Variants in TUBGCP2 observed in about 807,000 individuals in gnomAD.
The protein encoded by TUBGCP2 is gamma-tubulin complex component 2.
TUBGCP2 carries 55 observed loss-of-function variants against 92.2 expected under a neutral mutation model. That is an observed-to-expected ratio of 0.60 (90% confidence interval 0.48 to 0.75). TUBGCP2 has a LOEUF of 0.75. Ranked by LOEUF, TUBGCP2 falls within the 30% of genes least tolerant of loss-of-function variation. The pLI, the probability that TUBGCP2 is intolerant of heterozygous loss-of-function variation, is 0.00. For synonymous variants in TUBGCP2, 533 were observed against 505.2 expected (o/e 1.06, Z -0.74); for missense variants, 1,093 against 1,188.9 (o/e 0.92, Z 1.19).
upstream of TUBGCP2, chr10:133,309,407 C>A (rs138122775): frequency 1.2e-4 from 198 of 1,611,994 alleles, no homozygotes; most frequent in Non-Finnish European, 1.6e-4. Flanking sequence ...ACGTGCAGCG[C>A]CACCTCTACC....
At chr10:133,307,732 G>C (rs1589839944) in intron 1 of TUBGCP2, among the ~76,000 whole-genome samples, 1 of 151,932 alleles carries the variant, frequency 6.6e-6, no homozygotes, top group Non-Finnish European at 1.5e-5. Flanking sequence ...GCGACAGAGA[G>C]AGACACTATC....
At chr10:133,280,766 T>C (rs1324759967) in intron 17 of TUBGCP2, among the ~76,000 whole-genome samples, 1 of 151,948 alleles carries the variant, frequency 6.6e-6, no homozygotes, top group Non-Finnish European at 1.5e-5. Flanking sequence ...CAGGGACAGG[T>C]GCTGAGCTGG....
intron 7 of TUBGCP2, 100 bp from the exon 8 acceptor site, chr10:133,292,788 C>T: frequency 7.1e-7 from 1 of 1,400,320 alleles, no homozygotes; most frequent in Non-Finnish European, 9.7e-7. Flanking sequence ...AACCTTCTTC[C>T]TGGGACGGTG....
intron 1 of TUBGCP2, 144 bp downstream of exon 1, chr10:133,308,677 CCA>C (rs1003999859): frequency 1.9e-5 from 5 of 262,584 alleles, no homozygotes; most frequent in Non-Finnish European, 2.9e-5. Context: ...GGCTTCGGCC[CCA>C]GAGTTCGGGG....
At position 133,285,283 on chromosome 10, in the gene TUBGCP2, C is replaced by T. The variant is rs747039391; in HGVS notation, c.1896-70G>A. 6.2e-6 allele frequency: 10 copies of T among 1,602,846 alleles called. No individual in the cohort carries two copies. The Admixed American group carries it at 6.7e-5, about 11-fold the overall frequency. On this transcript the variant is annotated intron_variant, in intron 12 of 17. Coordinates refer to ENST00000252936, the MANE Select transcript of TUBGCP2 (RefSeq NM_006659.4). This position sits in a 1 kb window ranked among gnomAD's most constrained non-coding sequence, Gnocchi z 6.8. The stretch of plus-strand genomic sequence containing the variant: ...CGGCGTCGTGGACACGGCGTCTGTA[C>T]TCCACAGTCCGCACCGTGGCCCCCG...
chr10:133,311,777 A>G, upstream of TUBGCP2: 2 of 1,613,746 alleles, frequency 1.2e-6, no homozygotes, highest in Non-Finnish European at 1.7e-6. Context: ...GGCCATGGAA[A>G]TCTGCTCTGA....
In TUBGCP2 at chr10:133,282,344, T is replaced by C. The variant is rs1431093857; in HGVS notation, c.2290-2A>G. On this transcript the variant is annotated splice_acceptor_variant, in intron 15 of 17. Coordinates refer to ENST00000252936, the MANE Select transcript of TUBGCP2 (RefSeq NM_006659.4). LOFTEE classifies it high-confidence loss of function. ...TAATTTCATGCTCTGTGTAAATTTC[T>C]AGGGGGGGAGAGTCGCAAGGAAATG... 9 of 1,589,358 alleles carry C rather than the reference T, an allele frequency of 5.7e-6. No homozygotes were observed. In the Admixed American group the frequency reaches 1.1e-4, roughly 19 times the overall value.
chr10:133,296,802 A>G (rs538999927), intron 5 of TUBGCP2, among the ~76,000 whole-genome samples: 1 of 152,282 alleles, frequency 6.6e-6, no homozygotes, highest in South Asian at 2.1e-4. Context: ...CATACTTTTC[A>G]TTAACTTACA....
At chr10:133,290,755 T>C (rs1847265435) in intron 8 of TUBGCP2, 1 of 152,150 alleles carries the variant, frequency 6.6e-6, no homozygotes, top group African/African-American at 2.4e-5. Flanking sequence ...GGGGCCAACA[T>C]TGACAGAAAC....
chr10:133,281,612 T>C (rs1846979684), intron 16 of TUBGCP2, 176 bp from the exon 17 acceptor site: 4 of 852,296 alleles, frequency 4.7e-6, no homozygotes, highest in Non-Finnish European at 5.3e-6. Context: ...AAAACATTCC[T>C]GAGAACCCAG....
chr10:133,310,404 G>C, upstream of TUBGCP2: 1 of 1,319,130 alleles, frequency 7.6e-7, no homozygotes, highest in Non-Finnish European at 1.0e-6. Flanking sequence ...ACCTAATGGG[G>C]TGTTCACCTG....
Position 133,285,377 on chromosome 10 carries a change from T to C in TUBGCP2, c.1895+79A>G. On this transcript the variant is annotated intron_variant, in intron 12 of 17. Transcript: ENST00000252936. The surrounding 1 kb of genome is among the most constrained non-coding windows in gnomAD (Gnocchi z 6.8). ...GCCTTGGGTCCTCTGTGGGACGAGG[T>C]GGCCACCGCGTGGCACAGTTCTCGC... is the stretch of plus-strand genomic sequence containing the variant. 6.2e-7 allele frequency: 1 copy of C among 1,601,562 alleles called. No homozygotes were observed. The highest frequency in any genetic ancestry group is 8.5e-7 in the Non-Finnish European group (1 of 1,174,934).
chr10:133,299,370 C>T (rs1589834225), intron 4 of TUBGCP2, 57 bp downstream of exon 4: 3 of 1,467,230 alleles, frequency 2.0e-6, no homozygotes, highest in Non-Finnish European at 2.7e-6. Flanking sequence ...CCTGTGGACG[C>T]CACGGACACA....
intron 11 of TUBGCP2, 151 bp downstream of exon 11, chr10:133,287,978 A>G (rs756597284): frequency 7.1e-6 from 8 of 1,132,626 alleles, no homozygotes; most frequent in Non-Finnish European, 9.6e-6. Context: ...GATCCCGGCA[A>G]GCCGGCCCCG....
At chr10:133,305,148 C>T (rs1847778441) in intron 1 of TUBGCP2, among the ~76,000 whole-genome samples, 1 of 152,188 alleles carries the variant, frequency 6.6e-6, no homozygotes, top group Admixed American at 6.5e-5. Context: ...TGTGCTTCAG[C>T]GGTCACACTC....
chr10:133,287,373 G>A (rs1477590592), intron 11 of TUBGCP2, among the ~76,000 whole-genome samples: 1 of 152,170 alleles, frequency 6.6e-6, no homozygotes, highest in Admixed American at 6.5e-5. Flanking sequence ...CTTGAGCCCA[G>A]GGGTTCAACC....
chr10:133,297,522 G>A lies in TUBGCP2; in HGVS notation c.616+430C>T, dbSNP rs149639988. On this transcript the variant is annotated intron_variant, in intron 5 of 17. Transcript: ENST00000252936. ...GGTCTCACCCGCATCTTGTTTACAC[G>A]AACACTACTTAAGAGGCCTCTGAGA... 3.5e-3 allele frequency: 1,367 copies of A among 394,492 alleles called. 27 individuals carry two copies. The highest frequency in any genetic ancestry group is 0.026 in the African/African-American group (1,235 of 47,356). The allele number at this position is 394,492 out of a possible 1,614,324, so 24.4% of individuals were successfully genotyped here. A position where few individuals can be genotyped will look rare whatever the true frequency, so the allele number is the denominator to read the frequency against.
intron 9 of TUBGCP2, 52 bp downstream of exon 9, chr10:133,289,772 C>T: frequency 1.4e-4 from 13 of 94,188 alleles, no homozygotes; most frequent in Non-Finnish European, 2.0e-4. Context: ...GCAGGAGACT[C>T]TCCAGGCAGA....
At position 133,293,248 on chromosome 10, in the gene TUBGCP2, A is replaced by G; in HGVS notation, c.825-10T>C. On this transcript the variant is annotated splice_polypyrimidine_tract_variant and intron_variant, in intron 6 of 17. Coordinates refer to ENST00000252936, the MANE Select transcript of TUBGCP2 (RefSeq NM_006659.4). ...CTTCTCTTCAATGAACCTGGAAGAA[A>G]AGCTGTCAGACTTCCTCAAAAAGGC... The G allele has an allele frequency of 6.2e-7, 1 of 1,612,174 alleles. No homozygotes were observed. The highest frequency in any genetic ancestry group is 2.2e-5 in the East Asian group (1 of 44,842).
Sources: gnomAD v4.1 joint callset for allele counts (sites outside exome capture counted in the v4.1 genomes callset) on GRCh38, gnomAD v4.1.1 for gene constraint, Gnocchi (gnomAD v3.1) non-coding constraint, MANE v1.5 for transcripts, NCBI Gene and HGNC (gene_info 2026-07-23, HGNC 2026-07-21) for gene names.